RFX3: variants seen among roughly 807,000 people sequenced by gnomAD.
The protein encoded by RFX3 is regulatory factor X3, also known as transcription factor RFX3.
Under a neutral mutation model 98.6 loss-of-function variants are expected in RFX3, and 14 were observed. The observed-to-expected ratio is 0.14, with a 90% CI of 0.09 to 0.22. RFX3 has a LOEUF of 0.22. RFX3 is among the 10% of genes least tolerant of loss of function. RFX3 has a pLI of 1.00. For synonymous variants in RFX3, 383 were observed against 328.4 expected (o/e 1.17, Z -1.80); for missense variants, 639 against 926.9 (o/e 0.69, Z 4.03).
At chr9:3,493,662 C>T (rs1246916742) in intron 1 of RFX3, among the ~76,000 whole-genome samples, 20 of 121,132 alleles carry the variant, frequency 1.7e-4, no homozygotes, top group African/African-American at 4.5e-4. Flanking sequence ...CCAGCCTGGG[C>T]GACAAAGCGA....
intron 1 of RFX3, among the ~76,000 whole-genome samples, chr9:3,438,361 C>G (rs1845336618): frequency 6.6e-6 from 1 of 151,976 alleles, no homozygotes. Flanking sequence ...AAGTCTATAT[C>G]TATCTTTAAA....
intron 1 of RFX3, among the ~76,000 whole-genome samples, chr9:3,451,509 A>G (rs1323548874): frequency 6.6e-6 from 1 of 152,196 alleles, no homozygotes; most frequent in Non-Finnish European, 1.5e-5. Flanking sequence ...ACGCCACTGC[A>G]CTCCAGCCTG....
At chr9:3,341,568 C>T (rs567007970) in intron 3 of RFX3, among the ~76,000 whole-genome samples, 3 of 152,256 alleles carry the variant, frequency 2.0e-5, no homozygotes, top group East Asian at 3.9e-4. Flanking sequence ...ATCCCTGGTA[C>T]TTAAAGCCAC....
At chr9:3,468,060 T>C (rs929034965) in intron 1 of RFX3, among the ~76,000 whole-genome samples, 20 of 152,176 alleles carry the variant, frequency 1.3e-4, no homozygotes, top group African/African-American at 3.6e-4. Flanking sequence ...TCCTATGTGA[T>C]TACCTTTCCA....
intron 2 of RFX3, among the ~76,000 whole-genome samples, chr9:3,378,258 T>C (rs1299813374): frequency 6.6e-6 from 1 of 152,188 alleles, no homozygotes; most frequent in Non-Finnish European, 1.5e-5. Context: ...TCTGCCCTTT[T>C]CTTGTTTCTG....
chr9:3,241,818 A>C (rs1207402711), intron 15 of RFX3, among the ~76,000 whole-genome samples: 1 of 152,200 alleles, frequency 6.6e-6, no homozygotes, highest in Non-Finnish European at 1.5e-5. Context: ...GCTTAGACTA[A>C]TATTCCATTT....
At chr9:3,445,263 G>A (rs1164712478) in intron 1 of RFX3, among the ~76,000 whole-genome samples, 1 of 152,136 alleles carries the variant, frequency 6.6e-6, no homozygotes, top group African/African-American at 2.4e-5. Flanking sequence ...ATTGAGAGAA[G>A]GGAGCATTTA....
chr9:3,358,379 G>A (rs781268347), intron 2 of RFX3, among the ~76,000 whole-genome samples: 1 of 151,984 alleles, frequency 6.6e-6, no homozygotes, highest in African/African-American at 2.4e-5. Flanking sequence ...GTTCATCAAG[G>A]GTCCCTTAAA....
chr9:3,418,159 T>C (rs1442685222), intron 1 of RFX3, among the ~76,000 whole-genome samples: 1 of 152,200 alleles, frequency 6.6e-6, no homozygotes, highest in Non-Finnish European at 1.5e-5. Flanking sequence ...AGCCATGATA[T>C]TGGGCAAGTT....
intron 2 of RFX3, among the ~76,000 whole-genome samples, chr9:3,349,019 G>C (rs998905088): frequency 6.6e-6 from 1 of 152,100 alleles, no homozygotes; most frequent in Non-Finnish European, 1.5e-5. Flanking sequence ...TTGCTGCTAG[G>C]ATGCTATTCA....
At chr9:3,242,392 C>G (rs187671927) in intron 15 of RFX3, among the ~76,000 whole-genome samples, 2 of 151,830 alleles carry the variant, frequency 1.3e-5, no homozygotes, top group Admixed American at 1.3e-4. Context: ...TAAGCCACTA[C>G]TCTTCCATGA....
intron 1 of RFX3, among the ~76,000 whole-genome samples, chr9:3,486,719 A>T (rs1002855953): frequency 2.6e-5 from 4 of 152,232 alleles, no homozygotes; most frequent in Non-Finnish European, 4.4e-5. Flanking sequence ...TTGCTAATAC[A>T]TATTCAATTT....
chr9:3,329,758 T>C (rs1354292315), intron 4 of RFX3, among the ~76,000 whole-genome samples: 1 of 152,196 alleles, frequency 6.6e-6, no homozygotes, highest in Non-Finnish European at 1.5e-5. Context: ...ACAGGTGGCA[T>C]GAGAAAATGG....
At chr9:3,463,143 T>C (rs1392254928) in intron 1 of RFX3, among the ~76,000 whole-genome samples, 1 of 152,094 alleles carries the variant, frequency 6.6e-6, no homozygotes, top group Non-Finnish European at 1.5e-5. Context: ...CTGTAAGACT[T>C]TGAGCTACAA....
At chr9:3,524,737 C>G (rs1485824075) in intron 1 of RFX3, 1 of 341,696 alleles carries the variant, frequency 2.9e-6, no homozygotes, top group African/African-American at 2.2e-5. Context: ...CCTCACTACT[C>G]CCCCTCCCAC....
At chr9:3,229,137 T>A (rs1466556075) in intron 15 of RFX3, among the ~76,000 whole-genome samples, 1 of 152,218 alleles carries the variant, frequency 6.6e-6, no homozygotes, top group Non-Finnish European at 1.5e-5. Flanking sequence ...CTGCTTTCCT[T>A]GCTCCATTTT....
At chr9:3,351,329 A>T (rs1016712973) in intron 2 of RFX3, among the ~76,000 whole-genome samples, 1 of 152,096 alleles carries the variant, frequency 6.6e-6, no homozygotes, top group Non-Finnish European at 1.5e-5. Context: ...ATGTAAATAT[A>T]CAAACATATA....
At chr9:3,427,417 A>G (rs1844191719) in intron 1 of RFX3, among the ~76,000 whole-genome samples, 1 of 137,956 alleles carries the variant, frequency 7.2e-6, no homozygotes, top group Non-Finnish European at 1.5e-5. Context: ...ATTGTTATAT[A>G]ATAATACAAT....
At chr9:3,524,929 T>C (rs1178429055) in intron 1 of RFX3, among the ~76,000 whole-genome samples, 1 of 145,298 alleles carries the variant, frequency 6.9e-6, no homozygotes, top group East Asian at 2.0e-4. Flanking sequence ...TCTTTCCCAG[T>C]ACAGCAAAGA....
Sources: gnomAD v4.1 joint callset for allele counts (sites outside exome capture counted in the v4.1 genomes callset) on GRCh38, gnomAD v4.1.1 for gene constraint, MANE v1.5 for transcripts, NCBI Gene and HGNC (gene_info 2026-07-23, HGNC 2026-07-21) for gene names.